The following GALNT6 variants were observed in gnomAD, a reference collection of about 807,000 sequenced individuals.
GALNT6 encodes the protein polypeptide N-acetylgalactosaminyltransferase 6, also known as GalNAc transferase 6.
In GALNT6, 51 loss-of-function variants were observed where a neutral mutation model predicts 65.9. The ratio of observed to expected loss-of-function variants is 0.77; its 90% CI spans 0.62 to 0.98. GALNT6 has a LOEUF of 0.98. Among genes scored for constraint, GALNT6 ranks in the 50% least tolerant of loss-of-function variants. The pLI is 0.00. For missense variants in GALNT6, 708 were observed against 803.3 expected (o/e 0.88, Z 1.43); for synonymous variants, 323 against 315.1 (o/e 1.02, Z -0.26).
intron 3 of GALNT6, 142 bp downstream of exon 3, chr12:51,379,149 G>A: frequency 1.3e-6 from 1 of 797,988 alleles, no homozygotes; most frequent in African/African-American, 1.7e-5. Context: ...TGGGAAAGAA[G>A]TGAGGCATAG....
In GALNT6 at chr12:51,354,459, A is replaced by C; in HGVS notation, c.1789T>G (p.Cys597Gly). 3 of 1,597,450 alleles carry C rather than the reference A, an allele frequency of 1.9e-6. No homozygotes were observed. Among genetic ancestry groups the C allele is most frequent in the South Asian group, 1.1e-5 (1 of 88,464 alleles). Residue 597 changes from cysteine to glycine, a missense_variant, in exon 12 of 12, where the codon TGC becomes GGC. By Grantham distance (159) the Cys-to-Gly change is radical. Coordinates refer to ENST00000356317, the MANE Select transcript of GALNT6 (RefSeq NM_007210.4). ...QLIRNSGSGTCLTSQDKKPAM... is the reference protein window; with the variant it reads ...QLIRNSGSGTGLTSQDKKPAM... Reference sequence around the variant, plus strand: ...GGCTTTTTGTCCTGGGATGTCAGGCAGGTACCAGATCCTGAGTTCCTGATG... The same window carrying C: ...GGCTTTTTGTCCTGGGATGTCAGGCCGGTACCAGATCCTGAGTTCCTGATG...
At chr12:51,375,061 G>GA (rs1187601951) in intron 4 of GALNT6, among the ~76,000 whole-genome samples, 1 of 151,748 alleles carries the variant, frequency 6.6e-6, no homozygotes, top group Non-Finnish European at 1.5e-5. Context: ...AATTTTTATA[G>GA]AAAAAAGGTC....
chr12:51,364,414 G>T, intron 5 of GALNT6, 59 bp from the exon 6 acceptor site: 2 of 1,207,034 alleles, frequency 1.7e-6, no homozygotes, highest in South Asian at 2.5e-5. Context: ...AGCCCAAGCT[G>T]CATCCTGGAG....
At chr12:51,360,627 T>A (rs1036721063) in intron 7 of GALNT6, 94 bp downstream of exon 7, 8 of 758,280 alleles carry the variant, frequency 1.1e-5, no homozygotes, top group Non-Finnish European at 1.9e-5. Context: ...CAGTTCCAGA[T>A]GGGATGTCCC....
chr12:51,352,583 G>GA lies in GALNT6; in HGVS notation c.*1795dup, dbSNP rs1446133513. ...AAAAAGGGTTCTGGGACAAACCTGA[G>GA]AATCACTGGCTCCAGGAGCTTTCTT... On this transcript the variant is annotated 3_prime_UTR_variant, in exon 12 of 12. Coordinates refer to ENST00000356317, the MANE Select transcript of GALNT6 (RefSeq NM_007210.4). 6.6e-6 allele frequency: 1 copy of GA among 152,164 alleles called. No individual in the cohort carries two copies. The highest frequency in any genetic ancestry group is 1.5e-5 in the Non-Finnish European group (1 of 68,040). 9.4% of individuals were successfully genotyped at this position (152,164 alleles called of 1,614,324 possible).
chr12:51,381,230 T>C (rs1947661601), intron 2 of GALNT6, among the ~76,000 whole-genome samples: 1 of 152,152 alleles, frequency 6.6e-6, no homozygotes, highest in Non-Finnish European at 1.5e-5. Context: ...AGAGAGAGAT[T>C]CTGTCTTTAA....
At chr12:51,359,013 G>C (rs1946834991) in intron 8 of GALNT6, 119 bp downstream of exon 8, 7 of 768,384 alleles carry the variant, frequency 9.1e-6, no homozygotes, top group Non-Finnish European at 1.6e-5. Flanking sequence ...GGTCCCTGAG[G>C]GTGAAGGGAG....
intron 8 of GALNT6, among the ~76,000 whole-genome samples, chr12:51,358,689 C>T (rs1946826707): frequency 6.6e-6 from 1 of 152,120 alleles, no homozygotes; most frequent in Non-Finnish European, 1.5e-5. Context: ...ATGTTCATTC[C>T]CACTCAGGAC....
At chr12:51,377,131 G>A in intron 4 of GALNT6, 64 bp downstream of exon 4, 1 of 1,415,772 alleles carries the variant, frequency 7.1e-7, no homozygotes, top group East Asian at 2.3e-5. Flanking sequence ...GAAAGGAACT[G>A]CCCTCCTCCT....
rs1011833252 is a variant in GALNT6 at position 51,352,255 on chromosome 12, C to T, written c.*2124G>A. ...CTTTGATGTGGGCCCAGCAGTGGAT[C>T]AGCCTTCCAGACACGCTCAACTCTG... On this transcript the variant is annotated 3_prime_UTR_variant, in exon 12 of 12. Transcript: ENST00000356317. 1.3e-5 allele frequency: 2 copies of T among 152,346 alleles called. No individual in the cohort carries two copies. The highest frequency in any genetic ancestry group is 4.8e-5 in the African/African-American group (2 of 41,448). The allele number at this position is 152,346 out of a possible 1,614,324, so 9.4% of individuals were successfully genotyped here.
intron 2 of GALNT6, among the ~76,000 whole-genome samples, chr12:51,384,887 A>C (rs1483701209): frequency 6.6e-6 from 1 of 152,206 alleles, no homozygotes; most frequent in African/African-American, 2.4e-5. Context: ...CCTGTCTCAA[A>C]AAATAAAAAT....
chr12:51,377,118 C>T, intron 4 of GALNT6, 77 bp downstream of exon 4: 4 of 1,301,888 alleles, frequency 3.1e-6, no homozygotes, highest in Non-Finnish European at 3.3e-6. Flanking sequence ...TGCCTGCTCC[C>T]TTGAAAGGAA....
intron 4 of GALNT6, among the ~76,000 whole-genome samples, chr12:51,366,694 G>T (rs924403141): frequency 1.3e-5 from 2 of 152,168 alleles, no homozygotes; most frequent in Non-Finnish European, 2.9e-5. Context: ...TCCCAAAGAA[G>T]GGCCAAATCT....
intron 4 of GALNT6, among the ~76,000 whole-genome samples, chr12:51,370,553 TACA>T (rs1413170677): frequency 2.0e-5 from 3 of 152,182 alleles, no homozygotes; most frequent in Non-Finnish European, 2.9e-5. Flanking sequence ...TGACAAATGT[TACA>T]ACATGGATGA....
intron 3 of GALNT6, among the ~76,000 whole-genome samples, 185 bp from the exon 4 acceptor site, chr12:51,377,552 G>A (rs1947505828): frequency 6.6e-6 from 1 of 152,048 alleles, no homozygotes; most frequent in South Asian, 2.1e-4. Context: ...CACCCACCCT[G>A]AGCCTTTGCA....
intron 4 of GALNT6, among the ~76,000 whole-genome samples, chr12:51,370,274 G>C (rs1428646411): frequency 6.6e-6 from 1 of 152,248 alleles, no homozygotes; most frequent in African/African-American, 2.4e-5. Flanking sequence ...GCCGGGTTTG[G>C]TGGCTCACGC....
Position 51,355,885 on chromosome 12 carries a change from C to T in GALNT6, c.1676G>A (p.Gly559Asp), listed in dbSNP as rs1414594388. 6.2e-7 allele frequency: 1 copy of T among 1,613,916 alleles called. No individual in the cohort carries two copies. The change falls in exon 11 of 12, where the codon GGT (glycine) becomes GAT (aspartate). Residue 559 changes from glycine (G) to aspartate (D), a missense_variant. Coordinates refer to ENST00000356317, the MANE Select transcript of GALNT6 (RefSeq NM_007210.4). ...AKQLCLHVSK[G>D]ALGLGSCHFT... Reference sequence around the variant, plus strand: ...GTGACAGCTCCCAAGGCCCAGAGCACCCTTGCTGACATGTAGACACAGCTG... The same window carrying T: ...GTGACAGCTCCCAAGGCCCAGAGCATCCTTGCTGACATGTAGACACAGCTG...
At chr12:51,365,278 A>G in intron 5 of GALNT6, 152 bp downstream of exon 5, 1 of 612,678 alleles carries the variant, frequency 1.6e-6, no homozygotes, top group South Asian at 2.8e-5. Flanking sequence ...GATTGGGGTG[A>G]GAAAGGGGTA....
At chr12:51,369,430 G>A (rs1041907284) in intron 4 of GALNT6, among the ~76,000 whole-genome samples, 13 of 152,212 alleles carry the variant, frequency 8.5e-5, no homozygotes, top group African/African-American at 2.2e-4. Context: ...TAGCTGTACC[G>A]GTGAGCCCAG....
Sources: gnomAD v4.1 joint callset for allele counts (sites outside exome capture counted in the v4.1 genomes callset) on GRCh38, gnomAD v4.1.1 for gene constraint, MANE v1.5 for transcripts, NCBI Gene and HGNC (gene_info 2026-07-23, HGNC 2026-07-21) for gene names.